Variants in NUP62 observed in about 807,000 individuals in gnomAD.
The protein encoded by NUP62 is nucleoporin 62.
For missense variants in NUP62, 647 were observed against 689.4 expected (o/e 0.94, Z 0.69); for synonymous variants, 305 against 303.4 (o/e 1.01, Z -0.05).
rs903153573 is a variant in NUP62, at chr19:49,915,005, G to A, written c.-77-5121C>T. ...TCTGCCCACCTTGGCCTCCTAAAGTGCTGTGATTACAGGAGTGAGCCACTG... is the reference window on the plus strand; with the variant it reads ...TCTGCCCACCTTGGCCTCCTAAAGTACTGTGATTACAGGAGTGAGCCACTG... On this transcript the variant is annotated intron_variant, in intron 2 of 2. Coordinates refer to ENST00000352066, the MANE Select transcript of NUP62 (RefSeq NM_016553.5). Among the ~76,000 whole-genome samples the A allele has an allele frequency of 4.0e-4, 61 of 152,022 alleles. 2 individuals carry two copies. The highest frequency in any genetic ancestry group is 3.9e-4 in the Admixed American group (6 of 15,256).
intron 2 of NUP62, among the ~76,000 whole-genome samples, chr19:49,911,604 G>A (rs893356013): frequency 6.6e-6 from 1 of 151,720 alleles, no homozygotes; most frequent in Non-Finnish European, 1.5e-5. Flanking sequence ...GTTTTGTTTC[G>A]TCTGCTCCTC....
intron 2 of NUP62, among the ~76,000 whole-genome samples, chr19:49,920,091 T>A (rs1238666852): frequency 6.7e-6 from 1 of 150,068 alleles, no homozygotes; most frequent in East Asian, 1.9e-4. Context: ...ACCAGCTAAT[T>A]TTTTTTTTTT....
intron 2 of NUP62, among the ~76,000 whole-genome samples, chr19:49,926,445 G>C (rs1039309620): frequency 6.6e-6 from 1 of 151,996 alleles, no homozygotes; most frequent in Non-Finnish European, 1.5e-5. Flanking sequence ...CAGGAGAATT[G>C]CTTGAATCTG....
rs1197306196 is a variant in NUP62 at position 49,918,903 on chromosome 19, G to T, written c.-78+8791C>A. Among the ~76,000 whole-genome samples, 416 of 149,174 alleles carry T rather than the reference G, an allele frequency of 2.8e-3. 2 individuals carry two copies. Among genetic ancestry groups the T allele is most frequent in the Non-Finnish European group, 4.4e-3 (294 of 67,246 alleles). ...CCAGCACTTTGGGAGGCTGGGGGGGGGGGGGCGGGGTGTGGGGGGGCGGAT... is the reference window on the plus strand; with the variant it reads ...CCAGCACTTTGGGAGGCTGGGGGGGTGGGGGCGGGGTGTGGGGGGGCGGAT... On this transcript the variant is annotated intron_variant, in intron 2 of 2. Coordinates refer to ENST00000352066, the MANE Select transcript of NUP62 (RefSeq NM_016553.5).
intron 1 of NUP62, chr19:49,928,725 T>C (rs1054808147): frequency 1.3e-5 from 2 of 152,206 alleles, no homozygotes; most frequent in Non-Finnish European, 2.9e-5. Context: ...CTGTGACTCA[T>C]GCTGGACTCT....
chr19:49,925,775 T>C (rs536575285), intron 2 of NUP62, among the ~76,000 whole-genome samples: 1 of 152,320 alleles, frequency 6.6e-6, no homozygotes, highest in African/African-American at 2.4e-5. Flanking sequence ...TGATGTTGCC[T>C]TGGTTGTGAC....
At chr19:49,926,007 G>C (rs1026980870) in intron 2 of NUP62, among the ~76,000 whole-genome samples, 4 of 151,736 alleles carry the variant, frequency 2.6e-5, no homozygotes, top group African/African-American at 9.7e-5. Flanking sequence ...TCATGAGTTC[G>C]AGACCAGCCT....
Position 49,907,378 on chromosome 19 carries a change from C to T in NUP62, c.*861G>A, listed in dbSNP as rs75368221. 3 of 342,942 alleles carry T rather than the reference C, an allele frequency of 8.7e-6. No individual in the cohort carries two copies. The East Asian group carries it at 3.2e-4, about 36-fold the overall frequency. The allele number at this position is 342,942 out of a possible 1,614,324, so 21.2% of individuals were successfully genotyped here. A position where few individuals can be genotyped will look rare whatever the true frequency, so the allele number is the denominator to read the frequency against. On this transcript the variant is annotated 3_prime_UTR_variant, in exon 3 of 3. Coordinates refer to ENST00000352066, the MANE Select transcript of NUP62 (RefSeq NM_016553.5). The stretch of plus-strand genomic sequence containing the variant: ...CGCCCATCTGTGGTTCCTCAACACC[C>T]TGTGTGTGCAGGCCCCTCAGCTGAC...
Position 49,909,761 on chromosome 19 carries a change from A to C in NUP62, c.47T>G (p.Phe16Cys). 6.2e-7 allele frequency: 1 copy of C among 1,614,128 alleles called. No homozygotes were observed. Among genetic ancestry groups the C allele is most frequent in the Non-Finnish European group, 8.5e-7 (1 of 1,180,032 alleles). ...TGCCGTCTTTGCAGTGCCAAACGTG[A>C]ACCCGCCTGTAGGGGCCCCAGTGCC... ...FGGTGAPTGG[F>C]TFGTAKTATT... Residue 16 changes from phenylalanine to cysteine, a missense_variant, in exon 3 of 3, where the codon TTC becomes TGC. Coordinates refer to ENST00000352066, the MANE Select transcript of NUP62 (RefSeq NM_016553.5).
chr19:49,916,208 T>C (rs2122679767), intron 2 of NUP62, among the ~76,000 whole-genome samples: 2 of 152,214 alleles, frequency 1.3e-5, no homozygotes, highest in South Asian at 4.1e-4. Flanking sequence ...CGGGAGAGTT[T>C]CATTGAGGAA....
chr19:49,909,220 T>C lies in NUP62; in HGVS notation c.588A>G (p.Ala196=). ...ATLPFTPATP[A]ATTAGATQPA... ...GCTGTGTGGCACCTGCTGTGGTGGC[T>C]GCTGGCGTGGCCGGAGTGAAGGGCA... is the stretch of plus-strand genomic sequence containing the variant. Residue 196 remains alanine, a synonymous_variant, in exon 3 of 3, where the codon GCA becomes GCG. Transcript: ENST00000352066. The C allele has an allele frequency of 1.9e-6, 3 of 1,614,022 alleles. No individual in the cohort carries two copies. In the South Asian group the frequency reaches 3.3e-5, roughly 18 times the overall value.
At chr19:49,913,712 CGTGACT>C in intron 2 of NUP62, among the ~76,000 whole-genome samples, 1 of 152,312 alleles carries the variant, frequency 6.6e-6, no homozygotes, top group Admixed American at 6.5e-5. Flanking sequence ...AAACCGTGAC[CGTGACT>C]GTGAGTAGAA....
At chr19:49,926,366 C>T (rs1219443717) in intron 2 of NUP62, among the ~76,000 whole-genome samples, 2 of 152,092 alleles carry the variant, frequency 1.3e-5, no homozygotes, top group Non-Finnish European at 1.5e-5. Context: ...CCCGTCTCTA[C>T]TAAAAATACA....
In NUP62 at chr19:49,925,442, A is replaced by G. The variant is rs574808504; in HGVS notation, c.-78+2252T>C. Among the ~76,000 whole-genome samples, 11 of 98,224 alleles carry G rather than the reference A, an allele frequency of 1.1e-4. No homozygotes were observed. The South Asian group carries it at 1.5e-3, about 14-fold the overall frequency. The allele number at this position is 98,224 out of a possible 152,430, so 64.4% of individuals were successfully genotyped here. ...AGACCCTCCCCCCCATCTCTACTAA[A>G]AAAAGCCAAAAAAAAAAAAAAATAG... is the stretch of plus-strand genomic sequence containing the variant. On this transcript the variant is annotated intron_variant, in intron 2 of 2. Coordinates refer to ENST00000352066, the MANE Select transcript of NUP62 (RefSeq NM_016553.5).
At chr19:49,925,117 C>T (rs2075855119) in intron 2 of NUP62, among the ~76,000 whole-genome samples, 1 of 151,886 alleles carries the variant, frequency 6.6e-6, no homozygotes, top group Non-Finnish European at 1.5e-5. Flanking sequence ...CAAAATTAGC[C>T]ATGTGTGGTG....
rs528083527 is a variant in NUP62 at position 49,907,602 on chromosome 19, T to C, written c.*637A>G. The C allele has an allele frequency of 2.7e-5, 11 of 409,672 alleles. 1 individual carries two copies. Among genetic ancestry groups the C allele is most frequent in the South Asian group, 1.1e-4 (6 of 55,810 alleles). The allele number at this position is 409,672 out of a possible 1,614,324, so 25.4% of individuals were successfully genotyped here. On this transcript the variant is annotated 3_prime_UTR_variant, in exon 3 of 3. Transcript: ENST00000352066. ...CCTAGGCTGGAGTGCAGTGGTGTGA[T>C]CTTGGTTCACTGCAACACCTCCTGG...
At position 49,922,957 on chromosome 19, in the gene NUP62, CTGATGAGG is replaced by C. The variant is rs2075799506; in HGVS notation, c.-78+4729_-78+4736del. 2.6e-5 allele frequency among the ~76,000 whole-genome samples: 4 copies of C among 152,316 alleles called. No homozygotes were observed. The South Asian group carries it at 8.3e-4, about 32-fold the overall frequency. Reference sequence around the variant, plus strand: ...TAGTTCTATGATTGTGCCCATTTTACTGATGAGGTGACCACAGGTCGGGGGGTACAGTA... The same window carrying C: ...TAGTTCTATGATTGTGCCCATTTTACTGACCACAGGTCGGGGGGTACAGTA... On this transcript the variant is annotated intron_variant, in intron 2 of 2. Transcript: ENST00000352066.
In NUP62 at chr19:49,909,809, G is replaced by C; in HGVS notation, c.-2C>G. The C allele has an allele frequency of 1.2e-6, 2 of 1,613,928 alleles. No homozygotes were observed. Among genetic ancestry groups the C allele is most frequent in the Non-Finnish European group, 1.7e-6 (2 of 1,180,002 alleles). The stretch of plus-strand genomic sequence containing the variant: ...GCCTCCAAAATTAAACCCGCTCATG[G>C]CTCCGGACTCTGGTGGCGGCAGCTA... On this transcript the variant is annotated 5_prime_UTR_variant, in exon 3 of 3. Transcript: ENST00000352066.
Position 49,908,280 on chromosome 19 carries a change from G to A in NUP62, c.1528C>T (p.Arg510Cys), listed in dbSNP as rs747835540. The A allele has an allele frequency of 8.1e-6, 13 of 1,613,652 alleles. No individual in the cohort carries two copies. Among genetic ancestry groups the A allele is most frequent in the African/African-American group, 2.7e-5 (2 of 74,920 alleles). The change falls in exon 3 of 3, where the codon CGC becomes TGC. Residue 510 changes from arginine to cysteine, a missense_variant. Transcript: ENST00000352066. Reference protein sequence around the residue: ...EEVTKVCEGRRKEQERSFRIT... With the variant: ...EEVTKVCEGRCKEQERSFRIT... Reference sequence around the variant, plus strand: ...CGGAAGCTGCGCTCCTGCTCCTTGCGCCGGCCCTCGCACACCTTGGTCACC... The same window carrying A: ...CGGAAGCTGCGCTCCTGCTCCTTGCACCGGCCCTCGCACACCTTGGTCACC...
Sources: gnomAD v4.1 joint callset for allele counts (sites outside exome capture counted in the v4.1 genomes callset) on GRCh38, gnomAD v4.1.1 for gene constraint, MANE v1.5 for transcripts, NCBI Gene and HGNC (gene_info 2026-07-23, HGNC 2026-07-21) for gene names.